The following BCORL1 variants were observed in gnomAD, a reference collection of about 807,000 sequenced individuals.
BCORL1 encodes BCL-6 corepressor-like protein 1.
BCORL1 carries 7 observed loss-of-function variants against 87.6 expected under a neutral mutation model. The ratio of observed to expected loss-of-function variants is 0.08; its 90% CI spans 0.05 to 0.15. The LOEUF (loss-of-function observed/expected upper bound fraction) is 0.15, where lower values mean the gene tolerates loss of function less well. Ranked by LOEUF, BCORL1 falls within the 10% of genes least tolerant of loss-of-function variation. The pLI is 1.00. For missense variants in BCORL1, 1,215 were observed against 1,499.7 expected, an observed-to-expected ratio of 0.81 and a Z score of 3.13; for synonymous variants, 591 against 634.4, an observed-to-expected ratio of 0.93 and a Z score of 1.03.
chrX:130,016,599 G>A (rs896689553), intron 4 of BCORL1, among the ~76,000 whole-genome samples: 1 of 111,968 alleles, frequency 8.9e-6, no homozygotes, highest in Admixed American at 9.4e-5. Context: ...AGAGAACACT[G>A]GCCTTGAGAA....
rs184664970 is a variant in BCORL1, at chrX:130,040,517, G to A, written c.4840+1235G>A. Among the ~76,000 whole-genome samples, 11 of 112,398 alleles carry A rather than the reference G, an allele frequency of 9.8e-5. No homozygotes were observed. In the East Asian group the frequency reaches 3.1e-3, roughly 31 times the overall value. On this transcript the variant is annotated intron_variant, in intron 11 of 13. Transcript: ENST00000540052. ...GAGCTGACTAAACCTTGGAGCACAG[G>A]CCTTAGGCCTGTACAGCCTGACTAG...
chrX:130,050,693 C>CA, intron 11 of BCORL1, 24 bp from the exon 12 acceptor site: 2 of 1,198,522 alleles, frequency 1.7e-6, no homozygotes, highest in Non-Finnish European at 2.3e-6. Context: ...CTCCTTGTCT[C>CA]ACTGCCTGCT....
chrX:129,991,651 C>CTTTTTTTTTTTTTTTTTTTTTTTT (rs112594609), intron 1 of BCORL1, among the ~76,000 whole-genome samples: 1 of 47,553 alleles, frequency 2.1e-5, no homozygotes, highest in Non-Finnish European at 3.7e-5. Flanking sequence ...AGAAAATATT[C>CTTTTTTTTTTTTTTTTTTTTTTTT]TTTTTTTTTT....
At chrX:130,005,340 C>T (rs769107488) in intron 2 of BCORL1, 23 bp downstream of exon 2, 51 of 1,178,835 alleles carry the variant, frequency 4.3e-5, no homozygotes, top group South Asian at 2.3e-4. Context: ...GGAAGGTGGC[C>T]GCTGCTGGCC....
chrX:130,008,559 G>T (rs1410134209), intron 2 of BCORL1, among the ~76,000 whole-genome samples: 1 of 111,594 alleles, frequency 9.0e-6, no homozygotes, highest in East Asian at 2.8e-4. Flanking sequence ...CACCACGCCC[G>T]GCCTAAGATG....
chrX:129,988,667 A>G (rs1926819257), intron 1 of BCORL1, among the ~76,000 whole-genome samples: 1 of 111,808 alleles, frequency 8.9e-6, no homozygotes, highest in Non-Finnish European at 1.9e-5. Context: ...TCCGTGAGGA[A>G]TCCAGAGTAC....
chrX:130,056,107 G>A lies in BCORL1; in HGVS notation c.5329G>A (p.Glu1777Lys). The A allele has an allele frequency of 1.7e-6, 2 of 1,182,972 alleles. No individual in the cohort carries two copies. The highest frequency in any genetic ancestry group is 2.3e-6 in the Non-Finnish European group (2 of 879,271). ...AGACCTACTTCGGCTCCTAGGGTCC[G>A]AGGTGGAATTCCAGTCTTGCAACAG... ...EPDLLRLLGSEVEFQSCNS is the reference protein window; with the variant it reads ...EPDLLRLLGSKVEFQSCNS Residue 1777 changes from glutamate (E) to lysine (K), a missense_variant, in exon 14 of 14, where the codon GAG becomes AAG. Transcript: ENST00000540052.
rs201544340 is a variant in BCORL1, at chrX:130,011,235, GGTTGTT to G, written c.87-1330_87-1325del. 1.7e-4 allele frequency among the ~76,000 whole-genome samples: 18 copies of G among 107,879 alleles called. No individual in the cohort carries two copies. The Middle Eastern group carries it at 0.024, about 141-fold the overall frequency. 93.7% of individuals were successfully genotyped at this position (107,879 alleles called of 115,157 possible). A position where few individuals can be genotyped will look rare whatever the true frequency, so the allele number is the denominator to read the frequency against. The stretch of plus-strand genomic sequence containing the variant: ...AGGGCAGGGGGCAATAGTTTTTTTT[GGTTGTT>G]GTTGTTGTTGTTTTGAGACAGGGTC... On this transcript the variant is annotated intron_variant, in intron 2 of 13. Transcript: ENST00000540052.
intron 2 of BCORL1, among the ~76,000 whole-genome samples, chrX:130,006,541 A>G (rs1465225099): frequency 6.4e-5 from 7 of 110,120 alleles, no homozygotes; most frequent in African/African-American, 2.3e-4. Context: ...TTGTATTTTT[A>G]GTAGAGACGG....
intron 7 of BCORL1, among the ~76,000 whole-genome samples, chrX:130,026,485 G>C (rs532413645): frequency 8.9e-6 from 1 of 112,868 alleles, no homozygotes; most frequent in East Asian, 2.8e-4. Flanking sequence ...GATTGGTCAG[G>C]AATGAGTTGT....
chrX:130,013,365 C>G lies in BCORL1; in HGVS notation c.593C>G (p.Pro198Arg). The change falls in exon 4 of 14, where the codon CCT becomes CGT. Residue 198 changes from proline to arginine, a missense_variant. Physicochemically the swap from Pro to Arg is moderately radical, Grantham distance 103 (BLOSUM62 -2). Around this residue, in one of 5 missense-constraint regions of BCORL1, gnomAD observed 861 missense variants for 1,010.0 expected, o/e 0.85. Coordinates refer to ENST00000540052, the MANE Select transcript of BCORL1 (RefSeq NM_001379451.1). The stretch of plus-strand genomic sequence containing the variant: ...CCCCTGGTTACCACTAACTTCAGTC[C>G]TCTGCCAGCCCCTATCTGTCCCCCT... ...TLPLVTTNFS[P>R]LPAPICPPAP... 1 of 1,209,060 alleles carries G rather than the reference C, an allele frequency of 8.3e-7. No homozygotes were observed. Among genetic ancestry groups the G allele is most frequent in the East Asian group, 3.0e-5 (1 of 33,744 alleles).
chrX:130,050,652 C>G, intron 11 of BCORL1, 65 bp from the exon 12 acceptor site: 1 of 1,007,221 alleles, frequency 9.9e-7, no homozygotes, highest in Non-Finnish European at 1.4e-6. Flanking sequence ...TATGCATGGA[C>G]TTCACTTGGA....
chrX:130,025,424 TTCTGGGAACCCTCGGGCA>T, intron 7 of BCORL1, 45 bp downstream of exon 7: 2 of 1,101,343 alleles, frequency 1.8e-6, no homozygotes, highest in Non-Finnish European at 2.4e-6. Flanking sequence ...CCCGTTTGGC[TTCTGGGAACCCTCGGGCA>T]TCTCTACGCC....
intron 10 of BCORL1, 98 bp downstream of exon 10, chrX:130,037,631 G>A (rs1272462128): frequency 8.1e-5 from 83 of 1,019,829 alleles, no homozygotes; most frequent in South Asian, 4.4e-4. Context: ...GGTGGCTCAC[G>A]CCTGTAATCC....
At chrX:130,012,397 G>T (rs911062237) in intron 2 of BCORL1, among the ~76,000 whole-genome samples, 181 bp from the exon 3 acceptor site, 6 of 111,442 alleles carry the variant, frequency 5.4e-5, no homozygotes, top group Admixed American at 3.8e-4. Context: ...GCTAGGTGTG[G>T]CGCCTCCGCT....
chrX:129,989,210 A>G (rs1047360743), intron 1 of BCORL1, among the ~76,000 whole-genome samples: 4 of 108,707 alleles, frequency 3.7e-5, no homozygotes, highest in African/African-American at 1.0e-4. Flanking sequence ...ATCTCGGCTC[A>G]CTGCAAGCTC....
rs750646359 is a variant in BCORL1 at position 130,015,291 on chromosome X, C to T, written c.2519C>T (p.Ser840Phe). 1 of 1,211,931 alleles carries T rather than the reference C, an allele frequency of 8.3e-7. No individual in the cohort carries two copies. Among genetic ancestry groups the T allele is most frequent in the Admixed American group, 2.2e-5 (1 of 46,144 alleles). ...GGCTGGTCCCCGTACCACCAGGCGT[C>T]TCTGCTTTCCATTGGCATTTCCAGT... ...PVGWSPYHQA[S>F]LLSIGISSAG... Residue 840 changes from serine (S) to phenylalanine (F), a missense_variant, in exon 4 of 14, where the codon TCT becomes TTT. Coordinates refer to ENST00000540052, the MANE Select transcript of BCORL1 (RefSeq NM_001379451.1).
intron 13 of BCORL1, among the ~76,000 whole-genome samples, chrX:130,055,177 C>T (rs1231358110): frequency 1.8e-5 from 2 of 112,446 alleles, no homozygotes; most frequent in East Asian, 5.6e-4. Context: ...CAGCACCCCT[C>T]CCAGCTGTCC....
At chrX:130,054,548 T>A (rs113222086) in intron 13 of BCORL1, among the ~76,000 whole-genome samples, 7 of 109,784 alleles carry the variant, frequency 6.4e-5, no homozygotes, top group East Asian at 2.8e-4. Flanking sequence ...TGTGTGTGTG[T>A]GAGAGAGAGA....
Sources: allele counts gnomAD v4.1 joint callset (sites outside exome capture counted in the v4.1 genomes callset), GRCh38; gene constraint gnomAD v4.1.1; regional missense constraint gnomAD v4.1.1; transcripts MANE v1.5; gene names NCBI Gene and HGNC (gene_info 2026-07-23, HGNC 2026-07-21).